PTPRG: variants seen among roughly 807,000 people sequenced by gnomAD.
PTPRG encodes the protein receptor-type tyrosine-protein phosphatase gamma.
A neutral mutation model predicts 165.3 loss-of-function variants in PTPRG; 102 were observed. The observed-to-expected ratio is 0.62, with a 90% CI of 0.53 to 0.73. The LOEUF (loss-of-function observed/expected upper bound fraction) is 0.73. PTPRG is among the 30% of genes least tolerant of loss of function. The pLI is 0.00. For missense variants in PTPRG, 1,866 were observed against 1,861.4 expected (o/e 1.00, Z -0.05); for synonymous variants, 675 against 669.5 (o/e 1.01, Z -0.13).
intron 9 of PTPRG, among the ~76,000 whole-genome samples, chr3:62,193,975 C>T (rs976832673): frequency 3.9e-5 from 6 of 152,268 alleles, no homozygotes; most frequent in Admixed American, 1.3e-4. Flanking sequence ...TCCATTTTCT[C>T]GTTTTTAAAG....
rs552087572 is a variant in PTPRG at position 62,062,803 on chromosome 3, C to G, written c.520-15360C>G. ...TCAGCCTCCCAAGTAGCATGGACCA[C>G]AGGCATGTGCCACCATGCCCAGTTA... On this transcript the variant is annotated intron_variant, in intron 4 of 29. Coordinates refer to ENST00000474889, the MANE Select transcript of PTPRG (RefSeq NM_002841.4). Among the ~76,000 whole-genome samples, 35 of 152,254 alleles carry G rather than the reference C, an allele frequency of 2.3e-4. 1 individual carries two copies. The highest frequency in any genetic ancestry group is 7.2e-4 in the African/African-American group (30 of 41,564).
In PTPRG at chr3:61,734,689, C is replaced by T. The variant is rs571792248; in HGVS notation, c.86-14189C>T. ...AAACCCCCAAAGATACAAAATGACTCTTCAACGTTAGTGTATTTATTAAAA... is the reference window on the plus strand; with the variant it reads ...AAACCCCCAAAGATACAAAATGACTTTTCAACGTTAGTGTATTTATTAAAA... On this transcript the variant is annotated intron_variant, in intron 1 of 29. Transcript: ENST00000474889. Among the ~76,000 whole-genome samples, 8 of 152,236 alleles carry T rather than the reference C, an allele frequency of 5.3e-5. No homozygotes were observed. In the East Asian group the frequency reaches 1.6e-3, roughly 30 times the overall value.
rs747761165 is a variant in PTPRG, at chr3:62,271,348, C to A, written c.3010-35C>A. On this transcript the variant is annotated intron_variant, in intron 20 of 29. Coordinates refer to ENST00000474889, the MANE Select transcript of PTPRG (RefSeq NM_002841.4). This position sits in a 1 kb window ranked among gnomAD's most constrained non-coding sequence, Gnocchi z 4.1. ...ATTTTTTTCCAGAATGTCCACCCCC[C>A]CGCTTAAAGACATCTTTTTTCACTT... 16 of 1,538,888 alleles carry A rather than the reference C, an allele frequency of 1.0e-5. No homozygotes were observed. The East Asian group carries it at 3.7e-4, about 35-fold the overall frequency.
intron 13 of PTPRG, among the ~76,000 whole-genome samples, chr3:62,226,122 C>T (rs1175207038): frequency 3.9e-5 from 6 of 152,182 alleles, no homozygotes; most frequent in Admixed American, 3.3e-4. Context: ...CAAGTCGCAG[C>T]GTTAATTTTT....
intron 2 of PTPRG, among the ~76,000 whole-genome samples, chr3:61,901,181 C>G (rs747708777): frequency 4.6e-5 from 7 of 152,132 alleles, no homozygotes; most frequent in Non-Finnish European, 1.0e-4. Context: ...AACTTAATGG[C>G]TTATGTTTTG....
At chr3:61,928,287 C>G (rs1021906412) in intron 2 of PTPRG, among the ~76,000 whole-genome samples, 27 of 152,294 alleles carry the variant, frequency 1.8e-4, no homozygotes, top group Admixed American at 1.3e-4. Flanking sequence ...CATGCCTAGT[C>G]TCTCCTGCAG....
intron 1 of PTPRG, among the ~76,000 whole-genome samples, chr3:61,585,744 C>G (rs1425804316): frequency 1.3e-5 from 2 of 152,226 alleles, no homozygotes; most frequent in Non-Finnish European, 2.9e-5. Flanking sequence ...CAGACCGTGT[C>G]TCAAAAGAAA....
At chr3:62,015,025 TGCCAGTAGGGAAA>T (rs1313657530) in intron 4 of PTPRG, among the ~76,000 whole-genome samples, 2 of 152,350 alleles carry the variant, frequency 1.3e-5, no homozygotes, top group African/African-American at 4.8e-5. Context: ...CTGTGACATA[TGCCAGTAGGGAAA>T]CCCCAAATAG....
chr3:62,008,872 A>G (rs767147676), intron 4 of PTPRG, among the ~76,000 whole-genome samples: 29 of 152,104 alleles, frequency 1.9e-4, no homozygotes, highest in Admixed American at 1.4e-3. Flanking sequence ...CTCCTTGCCC[A>G]CCACTCACCT....
In PTPRG at chr3:62,190,462, T is replaced by C. The variant is rs1699779706; in HGVS notation, c.1034-1007T>C. 6.6e-6 allele frequency among the ~76,000 whole-genome samples: 1 copy of C among 152,128 alleles called. No individual in the cohort carries two copies. The highest frequency in any genetic ancestry group is 2.4e-5 in the African/African-American group (1 of 41,412). On this transcript the variant is annotated intron_variant, in intron 8 of 29. Coordinates refer to ENST00000474889, the MANE Select transcript of PTPRG (RefSeq NM_002841.4). The surrounding 1 kb of genome is among the most constrained non-coding windows in gnomAD (Gnocchi z 5.2). ...TGGACCTGTTGAGCATTTGTATAAC[T>C]CATTCAGACCTGTCAAGGTCTCAAC... is the stretch of plus-strand genomic sequence containing the variant.
chr3:62,150,295 A>G (rs1202271742), intron 6 of PTPRG, among the ~76,000 whole-genome samples: 3 of 152,204 alleles, frequency 2.0e-5, no homozygotes, highest in Non-Finnish European at 4.4e-5. Context: ...CAGTGTAGCT[A>G]TACCTAAAAA....
chr3:61,877,876 T>C lies in PTPRG; in HGVS notation c.191-111749T>C, dbSNP rs79957878. On this transcript the variant is annotated intron_variant, in intron 2 of 29. Transcript: ENST00000474889. Reference sequence around the variant, plus strand: ...AGGAAGAAGAAGTTGTATTTTTGAATATAGAAGGCCAGCATAATTACTCAG... The same window carrying C: ...AGGAAGAAGAAGTTGTATTTTTGAACATAGAAGGCCAGCATAATTACTCAG... Among the ~76,000 whole-genome samples the C allele has an allele frequency of 4.9e-4, 74 of 152,336 alleles. 1 individual carries two copies. In the East Asian group the frequency reaches 6.6e-3, roughly 14 times the overall value.
intron 1 of PTPRG, among the ~76,000 whole-genome samples, chr3:61,697,385 C>T (rs531884913): frequency 2.0e-5 from 3 of 152,310 alleles, no homozygotes; most frequent in Admixed American, 6.5e-5. Flanking sequence ...CCCTTCGTCC[C>T]CCAGGGTCTC....
intron 1 of PTPRG, among the ~76,000 whole-genome samples, chr3:61,679,231 A>C (rs186092758): frequency 1.3e-5 from 2 of 152,312 alleles, no homozygotes; most frequent in East Asian, 3.9e-4. Context: ...TTTTCAAACT[A>C]ATGGCCATCG....
chr3:61,925,599 C>T (rs988344528), intron 2 of PTPRG, among the ~76,000 whole-genome samples: 8 of 152,070 alleles, frequency 5.3e-5, no homozygotes, highest in South Asian at 2.1e-4. Flanking sequence ...AAAAATTAGC[C>T]GGGCCTGGTG....
intron 15 of PTPRG, among the ~76,000 whole-genome samples, chr3:62,248,203 G>GT (rs1288808933): frequency 6.6e-6 from 1 of 152,148 alleles, no homozygotes; most frequent in East Asian, 1.9e-4. Context: ...TATAAAGGTA[G>GT]TATCAATTAT....
chr3:62,017,561 G>A (rs2041577507), intron 4 of PTPRG, among the ~76,000 whole-genome samples: 1 of 149,992 alleles, frequency 6.7e-6, no homozygotes, highest in African/African-American at 2.5e-5. Context: ...GACTACAGGC[G>A]CCCACCACCG....
At chr3:62,155,583 G>C (rs1171826906) in intron 6 of PTPRG, among the ~76,000 whole-genome samples, 1 of 152,206 alleles carries the variant, frequency 6.6e-6, no homozygotes, top group Non-Finnish European at 1.5e-5. Context: ...TTAAGTGTTT[G>C]CAACCTGTAA....
intron 2 of PTPRG, among the ~76,000 whole-genome samples, chr3:61,790,911 GTATA>G (rs1291759800): frequency 1.3e-5 from 2 of 152,082 alleles, no homozygotes; most frequent in Non-Finnish European, 2.9e-5. Context: ...TAAGATTAAA[GTATA>G]TATAAAATCT....
Sources: gnomAD v4.1 joint callset for allele counts (sites outside exome capture counted in the v4.1 genomes callset) on GRCh38, gnomAD v4.1.1 for gene constraint, Gnocchi (gnomAD v3.1) non-coding constraint, MANE v1.5 for transcripts, NCBI Gene and HGNC (gene_info 2026-07-23, HGNC 2026-07-21) for gene names.